The following KCNQ2 variants were observed in gnomAD, a reference collection of about 807,000 sequenced individuals.
The protein encoded by KCNQ2 is potassium voltage-gated channel subfamily Q member 2.
Under a neutral mutation model 84.8 loss-of-function variants are expected in KCNQ2, and 14 were observed. That is an observed-to-expected ratio of 0.17 (90% confidence interval 0.11 to 0.26). KCNQ2 has a LOEUF of 0.26. Among genes scored for constraint, KCNQ2 ranks in the 10% least tolerant of loss-of-function variants. The pLI is 1.00. For synonymous variants in KCNQ2, 599 were observed against 554.1 expected (o/e 1.08, Z -1.14); for missense variants, 788 against 1,254.0 (o/e 0.63, Z 5.61).
Position 63,406,561 on chromosome 20 carries a change from G to A in KCNQ2, c.*83C>T, listed in dbSNP as rs2145480599. ...CCACACTCAGTTACTGTAAGAAAAG[G>A]GCCCCAGAGGGTTCCCGCCTCAAAA... On this transcript the variant is annotated 3_prime_UTR_variant, in exon 17 of 17. Transcript: ENST00000359125. The A allele has an allele frequency of 2.1e-6, 3 of 1,431,890 alleles. No homozygotes were observed. Among genetic ancestry groups the A allele is most frequent in the South Asian group, 1.4e-5 (1 of 69,676 alleles). 88.7% of individuals were successfully genotyped at this position (1,431,890 alleles called of 1,614,324 possible). A position where few individuals can be genotyped will look rare whatever the true frequency, so the allele number is the denominator to read the frequency against.
rs369124224 is a variant in KCNQ2 at position 63,434,031 on chromosome 20, G to A, written c.1024-128C>T. The A allele has an allele frequency of 1.3e-5, 9 of 719,608 alleles. No homozygotes were observed. In the African/African-American group the frequency reaches 1.4e-4, roughly 11 times the overall value. The allele number at this position is 719,608 out of a possible 1,614,324, so 44.6% of individuals were successfully genotyped here. A position where few individuals can be genotyped will look rare whatever the true frequency, so the allele number is the denominator to read the frequency against. On this transcript the variant is annotated intron_variant, in intron 7 of 16. Transcript: ENST00000359125. ...GTAGGCCAGGCACTCAGGACTCTGGGCCAGCAGGCCAGGCCCCAGTGCTGC... is the reference window on the plus strand; with the variant it reads ...GTAGGCCAGGCACTCAGGACTCTGGACCAGCAGGCCAGGCCCCAGTGCTGC...
At chr20:63,450,475 C>T (rs990239981) in intron 1 of KCNQ2, among the ~76,000 whole-genome samples, 13 of 5,820 alleles carry the variant, frequency 2.2e-3, no homozygotes, top group African/African-American at 9.6e-3. Flanking sequence ...CCAGGACTCC[C>T]TGAGGCAGCA....
intron 5 of KCNQ2, among the ~76,000 whole-genome samples, chr20:63,440,331 C>G (rs2081121448): frequency 6.6e-6 from 1 of 152,136 alleles, no homozygotes; most frequent in Non-Finnish European, 1.5e-5. Context: ...GACTCGGGGC[C>G]TGGATGAGGG....
Position 63,415,071 on chromosome 20 carries a change from T to G in KCNQ2, c.1357A>C (p.Lys453Gln). The G allele has an allele frequency of 6.2e-7, 1 of 1,606,434 alleles. No individual in the cohort carries two copies. The highest frequency in any genetic ancestry group is 8.5e-7 in the Non-Finnish European group (1 of 1,179,878). ...TGGGCCTGCGGGGACCCCTTCCCCT[T>G]GGCAGCCACGCCTCGGGGGCTGGAG... ...VFSSPRGVAA[K>Q]GKGSPQAQTV... The change falls in exon 13 of 17, where the codon AAG becomes CAG. Residue 453 changes from lysine to glutamine, a missense_variant. By Grantham distance (53) the Lys-to-Gln change is moderately conservative. Coordinates refer to ENST00000359125, the MANE Select transcript of KCNQ2 (RefSeq NM_172107.4).
chr20:63,407,601 C>G lies in KCNQ2; in HGVS notation c.1888-226G>C, dbSNP rs1191310922. 6.6e-6 allele frequency among the ~76,000 whole-genome samples: 1 copy of G among 151,630 alleles called. No individual in the cohort carries two copies. Among genetic ancestry groups the G allele is most frequent in the Non-Finnish European group, 1.5e-5 (1 of 67,812 alleles). ...GGCTGGTTCCAGGAAACAGGAGAGACCCAGGCTAGTCCCAGGAAATGGGGG... is the reference window on the plus strand; with the variant it reads ...GGCTGGTTCCAGGAAACAGGAGAGAGCCAGGCTAGTCCCAGGAAATGGGGG... On this transcript the variant is annotated intron_variant, in intron 16 of 16. Coordinates refer to ENST00000359125, the MANE Select transcript of KCNQ2 (RefSeq NM_172107.4). The surrounding 1 kb of genome is among the most constrained non-coding windows in gnomAD (Gnocchi z 7.2).
chr20:63,438,391 C>G lies in KCNQ2; in HGVS notation c.1023+234G>C. 1.7e-6 allele frequency: 1 copy of G among 601,948 alleles called. No individual in the cohort carries two copies. The highest frequency in any genetic ancestry group is 2.8e-5 in the East Asian group (1 of 35,542). 37.3% of individuals were successfully genotyped at this position (601,948 alleles called of 1,614,324 possible). On this transcript the variant is annotated intron_variant, in intron 7 of 16. Coordinates refer to ENST00000359125, the MANE Select transcript of KCNQ2 (RefSeq NM_172107.4). This position sits in a 1 kb window ranked among gnomAD's most constrained non-coding sequence, Gnocchi z 5.1. ...GCCGGGCCCCAGCACCCACACAAGGCAAGGGCCACCCCAGCGTCCTCACAC... is the reference window on the plus strand; with the variant it reads ...GCCGGGCCCCAGCACCCACACAAGGGAAGGGCCACCCCAGCGTCCTCACAC...
rs761567082 is a variant in KCNQ2, at chr20:63,414,200, G to C, written c.1526-7C>G. ...TCTCCGGGGAGGCTTGCTTCTGGGG[G>C]GAAGGAGACAGGCCGTGAGGGGCCG... On this transcript the variant is annotated splice_polypyrimidine_tract_variant and splice_region_variant and intron_variant, in intron 13 of 16. Transcript: ENST00000359125. The surrounding 1 kb of genome is among the most constrained non-coding windows in gnomAD (Gnocchi z 6.6). The C allele has an allele frequency of 8.7e-6, 14 of 1,608,580 alleles. No individual in the cohort carries two copies. In the East Asian group the frequency reaches 1.6e-4, roughly 18 times the overall value.
In KCNQ2 at chr20:63,414,404, G is replaced by A. The variant is rs2080221627; in HGVS notation, c.1526-211C>T. Among the ~76,000 whole-genome samples the A allele has an allele frequency of 6.6e-6, 1 of 152,188 alleles. No individual in the cohort carries two copies. On this transcript the variant is annotated intron_variant, in intron 13 of 16. Coordinates refer to ENST00000359125, the MANE Select transcript of KCNQ2 (RefSeq NM_172107.4). This position sits in a 1 kb window ranked among gnomAD's most constrained non-coding sequence, Gnocchi z 6.6. ...CTTCCCCGGCAGGCTGTGGCCACAGGGAGTGGCCGATATGGGGCGTCAAAG... is the reference window on the plus strand; with the variant it reads ...CTTCCCCGGCAGGCTGTGGCCACAGAGAGTGGCCGATATGGGGCGTCAAAG...
intron 11 of KCNQ2, 54 bp from the exon 12 acceptor site, chr20:63,419,726 G>C (rs1042804744): frequency 1.3e-6 from 2 of 1,515,746 alleles, no homozygotes; most frequent in Non-Finnish European, 1.8e-6. Flanking sequence ...GCACACGGCC[G>C]GGAGCAGGGA....
At chr20:63,437,290 G>A (rs1372878386) in intron 7 of KCNQ2, 1 of 152,188 alleles carries the variant, frequency 6.6e-6, no homozygotes, top group African/African-American at 2.4e-5. Context: ...GTGCTCAGAC[G>A]CTGCTTTTTC....
chr20:63,407,257 G>C lies in KCNQ2; in HGVS notation c.2006C>G (p.Pro669Arg). The C allele has an allele frequency of 6.3e-7, 1 of 1,598,398 alleles. No individual in the cohort carries two copies. Among genetic ancestry groups the C allele is most frequent in the Non-Finnish European group, 8.5e-7 (1 of 1,177,998 alleles). The change falls in exon 17 of 17, where the codon CCG becomes CGG. Residue 669 changes from proline to arginine, a missense_variant. Around this residue, in one of 8 missense-constraint regions of KCNQ2, gnomAD observed 378 missense variants for 434.5 expected, o/e 0.87. Transcript: ENST00000359125. This position sits in a 1 kb window ranked among gnomAD's most constrained non-coding sequence, Gnocchi z 7.2. Reference sequence around the variant, plus strand: ...CCGGCTGTCTTCCGGGCTGTGGTACGGCGGCGCCGGCTCCGGCTCTTTGGC... The same window carrying C: ...CCGGCTGTCTTCCGGGCTGTGGTACCGCGGCGCCGGCTCCGGCTCTTTGGC... ...FGAKEPEPAP[P>R]YHSPEDSREH...
At position 63,404,137 on chromosome 20, in the gene KCNQ2, T is replaced by G. The variant is rs2079866185; in HGVS notation, c.*2507A>C. 6.6e-6 allele frequency: 1 copy of G among 152,298 alleles called. No individual in the cohort carries two copies. Among genetic ancestry groups the G allele is most frequent in the Non-Finnish European group, 1.5e-5 (1 of 68,090 alleles). 9.4% of individuals were successfully genotyped at this position (152,298 alleles called of 1,614,324 possible). A position where few individuals can be genotyped will look rare whatever the true frequency, so the allele number is the denominator to read the frequency against. ...AGTCCCTCCTGCTGGGCGGCCAGCT[T>G]CTGGGAGGGAAGGGATTGGCCTGTC... is the stretch of plus-strand genomic sequence containing the variant. On this transcript the variant is annotated 3_prime_UTR_variant, in exon 17 of 17. Transcript: ENST00000359125.
intron 15 of KCNQ2, chr20:63,410,911 C>T (rs1448502212): frequency 4.7e-6 from 2 of 424,200 alleles, no homozygotes. Flanking sequence ...GGGCTCTACC[C>T]TCCCTCAGCC....
chr20:63,447,855 C>G (rs960652025), intron 1 of KCNQ2, among the ~76,000 whole-genome samples: 8 of 152,192 alleles, frequency 5.3e-5, no homozygotes, highest in African/African-American at 1.2e-4. Flanking sequence ...CCTCGGCCCC[C>G]CAAAGGGCTG....
chr20:63,443,248 C>CG (rs2081290683), intron 4 of KCNQ2, among the ~76,000 whole-genome samples: 2 of 54,790 alleles, frequency 3.7e-5, no homozygotes, highest in African/African-American at 7.8e-5. Context: ...ACCACCATCA[C>CG]ATCACCATCG....
At chr20:63,417,189 G>C (rs573309192) in intron 12 of KCNQ2, among the ~76,000 whole-genome samples, 96 of 152,084 alleles carry the variant, frequency 6.3e-4, no homozygotes, top group Non-Finnish European at 1.2e-3. Context: ...ACGGCCTCTG[G>C]TCCCCATCCC....
intron 7 of KCNQ2, chr20:63,434,128 G>A: frequency 1.8e-6 from 1 of 558,504 alleles, no homozygotes; most frequent in Admixed American, 3.4e-5. Flanking sequence ...GGTGGGGCCT[G>A]AAGGAGGGGA....
intron 1 of KCNQ2, among the ~76,000 whole-genome samples, chr20:63,470,538 G>T (rs568622761): frequency 6.6e-6 from 1 of 152,328 alleles, no homozygotes; most frequent in South Asian, 2.1e-4. Flanking sequence ...GGGCGGCCAT[G>T]CGGAGAGCTG....
At chr20:63,455,178 G>A (rs550807120) in intron 1 of KCNQ2, among the ~76,000 whole-genome samples, 8 of 152,336 alleles carry the variant, frequency 5.3e-5, no homozygotes, top group Non-Finnish European at 5.9e-5. Context: ...TGGGAGGACC[G>A]AGCAGCTTCT....
Sources: gnomAD v4.1 joint callset for allele counts (sites outside exome capture counted in the v4.1 genomes callset) on GRCh38, gnomAD v4.1.1 for gene constraint, gnomAD v4.1.1 regional missense constraint, Gnocchi (gnomAD v3.1) non-coding constraint, MANE v1.5 for transcripts, NCBI Gene and HGNC (gene_info 2026-07-23, HGNC 2026-07-21) for gene names.